Variants in DPP10 observed in about 807,000 individuals in gnomAD.
DPP10 encodes the protein inactive dipeptidyl peptidase 10.
Under a neutral mutation model 120.9 loss-of-function variants are expected in DPP10, and 33 were observed. The ratio of observed to expected loss-of-function variants is 0.27; its 90% CI spans 0.21 to 0.37. The LOEUF (loss-of-function observed/expected upper bound fraction) is 0.37, where lower values mean the gene tolerates loss of function less well. Ranked by LOEUF, DPP10 falls within the 10% of genes least tolerant of loss-of-function variation. The probability of loss-of-function intolerance (pLI) is 1.00; values close to 1 mark genes in which losing one functional copy is unlikely to be tolerated. For synonymous variants in DPP10, 337 were observed against 326.1 expected (o/e 1.03, Z -0.36); for missense variants, 816 against 942.8 (o/e 0.87, Z 1.76).
chr2:115,146,358 T>C (rs752638051), intron 1 of DPP10, among the ~76,000 whole-genome samples: 3 of 152,168 alleles, frequency 2.0e-5, no homozygotes. Context: ...CTAGGATTAC[T>C]CGAAGTCCAA....
At chr2:115,539,240 T>C (rs2079043614) in intron 5 of DPP10, among the ~76,000 whole-genome samples, 1 of 151,816 alleles carries the variant, frequency 6.6e-6, no homozygotes, top group Admixed American at 6.6e-5. Context: ...CTCTGGAAAA[T>C]ATGGGAAGAA....
rs272007 is a variant in DPP10, at chr2:115,844,777, T to C, written c.*2432T>C. On this transcript the variant is annotated 3_prime_UTR_variant, in exon 26 of 26. Transcript: ENST00000410059. Reference sequence around the variant, plus strand: ...GAAAAAAATCAATATATTGAATTCTTTAATTAAATAGGTAAGCAGTATTAA... The same window carrying C: ...GAAAAAAATCAATATATTGAATTCTCTAATTAAATAGGTAAGCAGTATTAA... 1 of 152,216 alleles carries C rather than the reference T, an allele frequency of 6.6e-6. No individual in the cohort carries two copies. Among genetic ancestry groups the C allele is most frequent in the Non-Finnish European group, 1.5e-5 (1 of 68,038 alleles). The allele number at this position is 152,216 out of a possible 1,614,324, so 9.4% of individuals were successfully genotyped here.
At chr2:115,629,977 T>C (rs979310934) in intron 5 of DPP10, among the ~76,000 whole-genome samples, 4 of 152,196 alleles carry the variant, frequency 2.6e-5, no homozygotes, top group African/African-American at 9.7e-5. Context: ...TAACATCGAA[T>C]GTATAAATTA....
At chr2:115,408,039 T>C (rs949757259) in intron 3 of DPP10, among the ~76,000 whole-genome samples, 1 of 151,842 alleles carries the variant, frequency 6.6e-6, no homozygotes, top group East Asian at 1.9e-4. Context: ...GGAGGGAAAA[T>C]GAAGCATTCC....
intron 3 of DPP10, among the ~76,000 whole-genome samples, chr2:115,456,944 C>T (rs1176934212): frequency 4.8e-5 from 7 of 146,858 alleles, no homozygotes; most frequent in African/African-American, 1.2e-4. Flanking sequence ...ATTCTGCACA[C>T]GTACCCCAGA....
chr2:114,592,005 T>A (rs942561610), intron 1 of DPP10, among the ~76,000 whole-genome samples: 1 of 148,462 alleles, frequency 6.7e-6, no homozygotes, highest in African/African-American at 2.6e-5. Flanking sequence ...CTACCCTCAA[T>A]GACAATAGTG....
intron 1 of DPP10, among the ~76,000 whole-genome samples, chr2:114,495,566 C>T (rs2104465335): frequency 6.6e-6 from 1 of 152,206 alleles, no homozygotes; most frequent in South Asian, 2.1e-4. Flanking sequence ...TTGAACATAT[C>T]ACAAGTTGAT....
chr2:115,503,046 TGA>T (rs1057184371), intron 4 of DPP10, among the ~76,000 whole-genome samples: 25 of 152,156 alleles, frequency 1.6e-4, no homozygotes, highest in Middle Eastern at 6.8e-3. Flanking sequence ...AAGGAATAAT[TGA>T]GAGATAAGAC....
intron 5 of DPP10, among the ~76,000 whole-genome samples, chr2:115,605,583 G>A (rs191169187): frequency 1.0e-3 from 156 of 152,104 alleles, no homozygotes; most frequent in African/African-American, 3.7e-3. Flanking sequence ...ACAGATAAGA[G>A]GGGTGGAAAG....
At chr2:115,587,089 C>CTTTTTTTTTTTT (rs756810925) in intron 5 of DPP10, among the ~76,000 whole-genome samples, 28 of 103,916 alleles carry the variant, frequency 2.7e-4, no homozygotes, top group African/African-American at 4.9e-4. Context: ...TTTTCTCTTT[C>CTTTTTTTTTTTT]TTTTTTTTTT....
At chr2:115,660,526 A>G (rs770488600) in intron 5 of DPP10, among the ~76,000 whole-genome samples, 2 of 152,124 alleles carry the variant, frequency 1.3e-5, no homozygotes, top group Non-Finnish European at 2.9e-5. Context: ...CTTATTTCAT[A>G]TAATACAAAT....
intron 1 of DPP10, among the ~76,000 whole-genome samples, chr2:114,693,403 G>GC (rs1699885929): frequency 6.6e-6 from 1 of 151,778 alleles, no homozygotes; most frequent in South Asian, 2.1e-4. Flanking sequence ...TTGAATATTG[G>GC]CCCCCAATCT....
chr2:115,173,034 A>G (rs184624464), intron 1 of DPP10, among the ~76,000 whole-genome samples: 177 of 152,352 alleles, frequency 1.2e-3, no homozygotes, highest in Non-Finnish European at 2.0e-3. Flanking sequence ...AGAGAAGTTG[A>G]CAAAGTTTAT....
At chr2:115,799,578 TC>T (rs1224851859) in intron 19 of DPP10, among the ~76,000 whole-genome samples, 8 of 95,454 alleles carry the variant, frequency 8.4e-5, no homozygotes, top group Non-Finnish European at 4.0e-5. Flanking sequence ...ATGCTATCCC[TC>T]CCCCCTCCCC....
At chr2:115,115,534 C>A (rs1366276256) in intron 1 of DPP10, among the ~76,000 whole-genome samples, 2 of 152,152 alleles carry the variant, frequency 1.3e-5, no homozygotes, top group Non-Finnish European at 2.9e-5. Context: ...GATGCACATG[C>A]CAAATCTAAT....
At chr2:115,614,342 A>G (rs949804266) in intron 5 of DPP10, among the ~76,000 whole-genome samples, 6 of 152,200 alleles carry the variant, frequency 3.9e-5, no homozygotes, top group African/African-American at 1.4e-4. Flanking sequence ...TTTTGACTGC[A>G]CAAATAACCA....
intron 1 of DPP10, among the ~76,000 whole-genome samples, chr2:115,283,463 T>G (rs2060241381): frequency 6.6e-6 from 1 of 152,076 alleles, no homozygotes; most frequent in South Asian, 2.1e-4. Context: ...TGTTTTATAT[T>G]GGTTGATGGT....
chr2:115,294,508 G>GT (rs1224460187), intron 1 of DPP10, among the ~76,000 whole-genome samples: 4 of 150,830 alleles, frequency 2.7e-5, no homozygotes, highest in Admixed American at 1.3e-4. Context: ...TCTTTCTTTT[G>GT]TTTTTTGCTT....
intron 1 of DPP10, among the ~76,000 whole-genome samples, chr2:114,856,099 G>A (rs768774757): frequency 3.3e-5 from 5 of 152,106 alleles, no homozygotes; most frequent in Admixed American, 6.5e-5. Flanking sequence ...CTGAACACTG[G>A]ACCAGGCATT....
Sources: allele counts gnomAD v4.1 joint callset (sites outside exome capture counted in the v4.1 genomes callset), GRCh38; gene constraint gnomAD v4.1.1; transcripts MANE v1.5; gene names NCBI Gene and HGNC (gene_info 2026-07-23, HGNC 2026-07-21).